The following HEXIM2 variants were observed in gnomAD, a reference collection of about 807,000 sequenced individuals.
HEXIM2 encodes HEXIM P-TEFb complex subunit 2.
For synonymous variants in HEXIM2, 159 were observed against 162.7 expected, an observed-to-expected ratio of 0.98 and a Z score of 0.17; for missense variants, 413 against 390.8, an observed-to-expected ratio of 1.06 and a Z score of -0.48.
upstream of HEXIM2, chr17:45,161,245 C>G (rs574086568): frequency 1.5e-4 from 52 of 350,884 alleles, no homozygotes; most frequent in East Asian, 3.8e-3. Context: ...TCGGGAAACA[C>G]GCGGTAATTA....
At chr17:45,163,692 T>TA (rs1356843627) in intron 3 of HEXIM2, among the ~76,000 whole-genome samples, 2 of 151,214 alleles carry the variant, frequency 1.3e-5, no homozygotes, top group Non-Finnish European at 2.9e-5. Flanking sequence ...CTACTAAAAA[T>TA]ACAAAAATTA....
At chr17:45,163,792 T>G (rs188503524) in intron 3 of HEXIM2, among the ~76,000 whole-genome samples, 1 of 152,186 alleles carries the variant, frequency 6.6e-6, no homozygotes, top group Admixed American at 6.5e-5. Flanking sequence ...GAGGTTGCAG[T>G]GAGCTGAGAT....
chr17:45,164,481 C>A (rs552475599), intron 3 of HEXIM2, among the ~76,000 whole-genome samples: 1 of 150,950 alleles, frequency 6.6e-6, no homozygotes, highest in Admixed American at 6.6e-5. Flanking sequence ...AACAAAAAAA[C>A]CTGAAATTAG....
In HEXIM2 at chr17:45,162,424, G is replaced by A. The variant is rs923569479; in HGVS notation, c.-192-64G>A. ...GGCAGTCCTCCTTTGCCCCTTTGGT[G>A]GTTGGGGAAACAAAACTTACACCTG... On this transcript the variant is annotated intron_variant, in intron 1 of 3. Transcript: ENST00000589230. 5.5e-6 allele frequency: 6 copies of A among 1,089,144 alleles called. No homozygotes were observed. In the African/African-American group the frequency reaches 9.9e-5, roughly 18 times the overall value. 67.5% of individuals were successfully genotyped at this position (1,089,144 alleles called of 1,614,324 possible).
chr17:45,160,698 G>GCA, upstream of HEXIM2: 1 of 370,416 alleles, frequency 2.7e-6, no homozygotes, highest in Non-Finnish European at 5.5e-6. Context: ...AAGTGGGGCA[G>GCA]CACACTTTAG....
At position 45,161,914 on chromosome 17, in the gene HEXIM2, C is replaced by G. The variant is rs751660464; in HGVS notation, c.-310C>G. 250 of 985,472 alleles carry G rather than the reference C, an allele frequency of 2.5e-4. No individual in the cohort carries two copies. The highest frequency in any genetic ancestry group is 2.1e-3 in the Admixed American group (34 of 16,254). The allele number at this position is 985,472 out of a possible 1,614,324, so 61.0% of individuals were successfully genotyped here. On this transcript the variant is annotated 5_prime_UTR_variant, in exon 1 of 4. Transcript: ENST00000589230. ...ATCTTAGTGGCCTGAGCGGCTTGACCAGAGCTGCTGCAACTGCAGCAAGAG... is the reference window on the plus strand; with the variant it reads ...ATCTTAGTGGCCTGAGCGGCTTGACGAGAGCTGCTGCAACTGCAGCAAGAG...
upstream of HEXIM2, chr17:45,161,041 G>C: frequency 2.0e-6 from 2 of 1,023,756 alleles, no homozygotes; most frequent in Non-Finnish European, 1.3e-6. Context: ...CCCCCGCGGC[G>C]CCAGCCTCTG....
At position 45,169,837 on chromosome 17, in the gene HEXIM2, G is replaced by A. The variant is rs1330725157; in HGVS notation, c.*28G>A. ...GTGCCTCCCAGCCTGGTGGACCCAA[G>A]GAGAAGGTCCCATTTCGTGCACACT... On this transcript the variant is annotated 3_prime_UTR_variant, in exon 4 of 4. Transcript: ENST00000589230. 1.4e-6 allele frequency: 2 copies of A among 1,423,984 alleles called. No individual in the cohort carries two copies. The highest frequency in any genetic ancestry group is 1.5e-5 in the South Asian group (1 of 65,662). The allele number at this position is 1,423,984 out of a possible 1,614,324, so 88.2% of individuals were successfully genotyped here. A position where few individuals can be genotyped will look rare whatever the true frequency, so the allele number is the denominator to read the frequency against.
chr17:45,163,138 A>G (rs1406945126), intron 3 of HEXIM2, among the ~76,000 whole-genome samples: 1 of 152,086 alleles, frequency 6.6e-6, no homozygotes, highest in African/African-American at 2.4e-5. Flanking sequence ...AGCCTGACCA[A>G]CATGGCAAAA....
intron 2 of HEXIM2, 21 bp downstream of exon 2, chr17:45,162,656 A>T: frequency 6.5e-7 from 1 of 1,550,324 alleles, no homozygotes; most frequent in African/African-American, 1.4e-5. Context: ...CTGGGGTACA[A>T]AATGGCTGCC....
chr17:45,169,617 G>A lies in HEXIM2; in HGVS notation c.669G>A (p.Arg223=). The change falls in exon 4 of 4, where the codon CGG becomes CGA. Residue 223 remains arginine, a synonymous_variant. Coordinates refer to ENST00000589230, the MANE Select transcript of HEXIM2 (RefSeq NM_001303441.2). ...LVRDYLELEK[R]LSQAEEETRR... ...GAGACTACCTGGAGCTGGAGAAGCG[G>A]CTGTCGCAGGCGGAGGAGGAGACTA... The A allele has an allele frequency of 6.5e-7, 1 of 1,536,676 alleles. No homozygotes were observed. Among genetic ancestry groups the A allele is most frequent in the South Asian group, 1.2e-5 (1 of 83,118 alleles).
upstream of HEXIM2, chr17:45,161,829 A>T (rs2042703455): frequency 1.0e-6 from 1 of 985,374 alleles, no homozygotes; most frequent in Non-Finnish European, 1.2e-6. Context: ...ATCGCTTTTC[A>T]GGCCAGAAGA....
rs772950713 is a variant in HEXIM2, at chr17:45,169,279, G to T, written c.331G>T (p.Ala111Ser). The change falls in exon 4 of 4, where the codon GCT becomes TCT. Residue 111 changes from alanine to serine, a missense_variant. Coordinates refer to ENST00000589230, the MANE Select transcript of HEXIM2 (RefSeq NM_001303441.2). The stretch of plus-strand genomic sequence containing the variant: ...GCGACCCTACCTGGAGCTGAGCTGG[G>T]CTGAGAAACAACAGCGGGATGAGAG... ...HWRPYLELSWAEKQQRDERQS... is the reference protein window; with the variant it reads ...HWRPYLELSWSEKQQRDERQS... 6.2e-7 allele frequency: 1 copy of T among 1,613,712 alleles called. No individual in the cohort carries two copies. Among genetic ancestry groups the T allele is most frequent in the African/African-American group, 1.3e-5 (1 of 74,910 alleles).
chr17:45,165,413 G>C (rs1245855520), intron 3 of HEXIM2, among the ~76,000 whole-genome samples: 3 of 152,006 alleles, frequency 2.0e-5, no homozygotes, highest in Non-Finnish European at 4.4e-5. Context: ...TGTGTGCATG[G>C]ACCACGCTCA....
At position 45,161,956 on chromosome 17, in the gene HEXIM2, G is replaced by A; in HGVS notation, c.-268G>A. The A allele has an allele frequency of 1.0e-6, 1 of 985,612 alleles. No individual in the cohort carries two copies. Among genetic ancestry groups the A allele is most frequent in the South Asian group, 4.7e-5 (1 of 21,308 alleles). The allele number at this position is 985,612 out of a possible 1,614,324, so 61.1% of individuals were successfully genotyped here. ...CAGCAAGAGGTAGGGCTCAGGCGTTGGGAATTGCACCGACAGGCAGTCGCA... is the reference window on the plus strand; with the variant it reads ...CAGCAAGAGGTAGGGCTCAGGCGTTAGGAATTGCACCGACAGGCAGTCGCA... On this transcript the variant is annotated 5_prime_UTR_variant, in exon 1 of 4. Coordinates refer to ENST00000589230, the MANE Select transcript of HEXIM2 (RefSeq NM_001303441.2).
rs1284051133 is a variant in HEXIM2, at chr17:45,169,197, G to A, written c.249G>A (p.Glu83=). The stretch of plus-strand genomic sequence containing the variant: ...AGAGCCCAGGGGGCTGCTCAGCGGA[G>A]GCTGTGCTGGCCCGGAAGAAACACC... The part of the protein sequence containing the change: ...RTQSPGGCSA[E]AVLARKKHRR... The change falls in exon 4 of 4, where the codon GAG becomes GAA. Residue 83 remains glutamate, a synonymous_variant. Transcript: ENST00000589230. The A allele has an allele frequency of 5.6e-6, 9 of 1,613,632 alleles. No homozygotes were observed. Among genetic ancestry groups the A allele is most frequent in the Non-Finnish European group, 7.6e-6 (9 of 1,180,038 alleles).
rs751498019 is a variant in HEXIM2 at position 45,166,406 on chromosome 17, C to T, written c.67-2609C>T. On this transcript the variant is annotated intron_variant, in intron 3 of 3. Transcript: ENST00000589230. ...CCTCCCAAAGTGCTAGGATTACCAGCGTGAGCCACTACACCCGGCCGTAAG... is the reference window on the plus strand; with the variant it reads ...CCTCCCAAAGTGCTAGGATTACCAGTGTGAGCCACTACACCCGGCCGTAAG... 9.2e-5 allele frequency among the ~76,000 whole-genome samples: 14 copies of T among 152,248 alleles called. No individual in the cohort carries two copies. The Middle Eastern group carries it at 0.01, about 111-fold the overall frequency.
At chr17:45,160,915 C>G, upstream of HEXIM2, 2 of 1,289,690 alleles carry the variant, frequency 1.6e-6, no homozygotes, top group Non-Finnish European at 1.0e-6. Context: ...GCAACCCGGG[C>G]GGCGAGATGG....
Position 45,169,663 on chromosome 17 carries a change from G to A in HEXIM2, c.715G>A (p.Ala239Thr). The change falls in exon 4 of 4, where the codon GCG (alanine) becomes ACG (threonine). Residue 239 changes from alanine to threonine, a missense_variant. Transcript: ENST00000589230. ...EETRRLQQLQ[A>T]CTGQQSCRQV... is the part of the protein sequence containing the mutation. ...GACTAGGAGGCTGCAGCAGCTGCAG[G>A]CGTGCACCGGCCAGCAGTCCTGCCG... 6.5e-7 allele frequency: 1 copy of A among 1,534,232 alleles called. No individual in the cohort carries two copies. Among genetic ancestry groups the A allele is most frequent in the Non-Finnish European group, 8.8e-7 (1 of 1,137,422 alleles).
Sources: gnomAD v4.1 joint callset for allele counts (sites outside exome capture counted in the v4.1 genomes callset) on GRCh38, gnomAD v4.1.1 for gene constraint, MANE v1.5 for transcripts, NCBI Gene and HGNC (gene_info 2026-07-23, HGNC 2026-07-21) for gene names.